Variants in VPS13C observed in about 807,000 individuals in gnomAD.
The protein encoded by VPS13C is intermembrane lipid transfer protein VPS13C.
Under a neutral mutation model 456.8 loss-of-function variants are expected in VPS13C, and 358 were observed. The observed-to-expected ratio is 0.78, with a 90% CI of 0.72 to 0.86. The LOEUF is 0.86. Ranked by LOEUF, VPS13C falls within the 40% of genes least tolerant of loss-of-function variation. The pLI, the probability that VPS13C is intolerant of heterozygous loss-of-function variation, is 0.00. For missense variants in VPS13C, 4,818 were observed against 4,385.4 expected (o/e 1.10, Z -2.79); for synonymous variants, 1,578 against 1,486.7 (o/e 1.06, Z -1.41).
chr15:61,969,383 C>T lies in VPS13C; in HGVS notation c.2827G>A (p.Gly943Arg). ...AATGTTCTCATTGTGGCCTCTGTTCCTAACTGAGTAACATTAAATACTAGA... is the reference window on the plus strand; with the variant it reads ...AATGTTCTCATTGTGGCCTCTGTTCTTAACTGAGTAACATTAAATACTAGA... ...TILVFNVTQL[G>R]TEATMRTFDL... The change falls in exon 28 of 85, where the codon GGA becomes AGA. Residue 943 changes from glycine to arginine, a missense_variant. By Grantham distance (125) the Gly-to-Arg change is moderately radical (BLOSUM62 -2). Around this residue, in one of 3 missense-constraint regions of VPS13C, gnomAD observed 4,552 missense variants for 4,130.6 expected, o/e 1.10. Transcript: ENST00000644861. The T allele has an allele frequency of 6.3e-7, 1 of 1,597,290 alleles. No individual in the cohort carries two copies. The highest frequency in any genetic ancestry group is 8.5e-7 in the Non-Finnish European group (1 of 1,171,842).
chr15:62,006,351 G>A (rs537567996), intron 15 of VPS13C, among the ~76,000 whole-genome samples: 10 of 152,042 alleles, frequency 6.6e-5, no homozygotes, highest in East Asian at 1.9e-4. Context: ...GAGAATATGC[G>A]GTGTTTGGTT....
At chr15:61,982,796 G>A (rs935744711) in intron 20 of VPS13C, among the ~76,000 whole-genome samples, 1 of 152,188 alleles carries the variant, frequency 6.6e-6, no homozygotes, top group African/African-American at 2.4e-5. Flanking sequence ...TATCATTAAG[G>A]TGTAAAGTAT....
At chr15:61,972,460 G>T (rs1954533223) in intron 27 of VPS13C, among the ~76,000 whole-genome samples, 165 bp downstream of exon 27, 1 of 152,050 alleles carries the variant, frequency 6.6e-6, no homozygotes, top group Non-Finnish European at 1.5e-5. Flanking sequence ...GTGTGTGTGA[G>T]AGAGAAAGAG....
chr15:61,865,932 G>A, intron 81 of VPS13C: 1 of 982,602 alleles, frequency 1.0e-6, no homozygotes, highest in Non-Finnish European at 1.2e-6. Context: ...AGGAACATGA[G>A]GATCAAAAGA....
intron 18 of VPS13C, 31 bp from the exon 19 acceptor site, chr15:61,985,030 A>G: frequency 7.4e-7 from 1 of 1,343,730 alleles, no homozygotes; most frequent in Non-Finnish European, 9.7e-7. Context: ...TAAAATTGTT[A>G]AAGTTTAAAT....
chr15:61,912,042 A>G, intron 62 of VPS13C, 38 bp from the exon 63 acceptor site: 8 of 1,521,634 alleles, frequency 5.3e-6, no homozygotes, highest in South Asian at 1.4e-5. Flanking sequence ...CAGTTTATTC[A>G]ATGTCTTTGA....
chr15:61,899,847 G>C (rs571787927), intron 66 of VPS13C, among the ~76,000 whole-genome samples: 5 of 151,318 alleles, frequency 3.3e-5, no homozygotes, highest in African/African-American at 1.2e-4. Context: ...GATGAACATC[G>C]ATGCAAAAAT....
At chr15:61,944,934 G>A (rs563590707) in intron 45 of VPS13C, among the ~76,000 whole-genome samples, 9 of 152,152 alleles carry the variant, frequency 5.9e-5, no homozygotes, top group South Asian at 2.1e-4. Context: ...CTGGCTCTGC[G>A]TCCCCACCCA....
intron 66 of VPS13C, among the ~76,000 whole-genome samples, chr15:61,890,712 G>A (rs1407760629): frequency 6.6e-6 from 1 of 152,110 alleles, no homozygotes; most frequent in African/African-American, 2.4e-5. Context: ...ATGATTCTTT[G>A]TCTCCAAGCC....
chr15:61,962,116 T>G (rs1229143381), intron 34 of VPS13C, among the ~76,000 whole-genome samples: 1 of 152,076 alleles, frequency 6.6e-6, no homozygotes, highest in Non-Finnish European at 1.5e-5. Context: ...AGAGAAAAAT[T>G]TTTTTCCAAT....
rs1327646796 is a variant in VPS13C, at chr15:61,867,584, C to A, written c.10863+1075G>T. ...TAATTGTCCTGTTTTTCAATTTTAC[C>A]TGAAATGCACATGAACACCATAAGA... On this transcript the variant is annotated intron_variant, in intron 81 of 84. Transcript: ENST00000644861. This position sits in a 1 kb window ranked among gnomAD's most constrained non-coding sequence, Gnocchi z 5.0. 22 of 1,029,738 alleles carry A rather than the reference C, an allele frequency of 2.1e-5. No individual in the cohort carries two copies. Among genetic ancestry groups the A allele is most frequent in the Non-Finnish European group, 2.6e-5 (22 of 860,010 alleles). 63.8% of individuals were successfully genotyped at this position (1,029,738 alleles called of 1,614,324 possible).
At chr15:61,988,705 A>G (rs966730940) in intron 18 of VPS13C, among the ~76,000 whole-genome samples, 5 of 152,236 alleles carry the variant, frequency 3.3e-5, no homozygotes, top group East Asian at 1.9e-4. Context: ...ACAAAGTTAC[A>G]GTAACTAAGA....
intron 43 of VPS13C, 67 bp downstream of exon 43, chr15:61,947,126 G>C (rs899082309): frequency 3.8e-5 from 40 of 1,061,494 alleles, no homozygotes; most frequent in Non-Finnish European, 5.3e-5. Context: ...AATCTAACAG[G>C]TACAAGCTCA....
At chr15:61,892,358 T>C (rs1190672713) in intron 66 of VPS13C, among the ~76,000 whole-genome samples, 1 of 152,148 alleles carries the variant, frequency 6.6e-6, no homozygotes, top group East Asian at 1.9e-4. Flanking sequence ...CCCTTTGAGA[T>C]GCAACCCCTT....
At chr15:61,906,243 G>A (rs146584692) in intron 66 of VPS13C, among the ~76,000 whole-genome samples, 1 of 152,238 alleles carries the variant, frequency 6.6e-6, no homozygotes, top group East Asian at 1.9e-4. Flanking sequence ...GGACATAAAC[G>A]ATTTCCTTGC....
chr15:61,919,556 T>A, intron 57 of VPS13C, 107 bp from the exon 58 acceptor site: 1 of 1,139,560 alleles, frequency 8.8e-7, no homozygotes, highest in Non-Finnish European at 1.2e-6. Flanking sequence ...TCCTCATCAC[T>A]AGAAATGATC....
At position 61,913,433 on chromosome 15, in the gene VPS13C, T is replaced by G. The variant is rs749319492; in HGVS notation, c.8446-18A>C. ...AATTGTACCTATACCAGAGAGCACATATCGTCATATAAGAAATCTAAAACA... is the reference window on the plus strand; with the variant it reads ...AATTGTACCTATACCAGAGAGCACAGATCGTCATATAAGAAATCTAAAACA... On this transcript the variant is annotated intron_variant, in intron 61 of 84. Transcript: ENST00000644861. The G allele has an allele frequency of 6.3e-7, 1 of 1,585,652 alleles. No individual in the cohort carries two copies. Among genetic ancestry groups the G allele is most frequent in the Admixed American group, 1.7e-5 (1 of 59,006 alleles).
chr15:61,940,868 A>C lies in VPS13C; in HGVS notation c.5454-74T>G, dbSNP rs905553447. 6.3e-6 allele frequency: 9 copies of C among 1,428,930 alleles called. No individual in the cohort carries two copies. The African/African-American group carries it at 1.3e-4, about 20-fold the overall frequency. The allele number at this position is 1,428,930 out of a possible 1,614,324, so 88.5% of individuals were successfully genotyped here. On this transcript the variant is annotated intron_variant, in intron 46 of 84. Transcript: ENST00000644861. ...AATGAGGACTATCCTATTGTGTAAC[A>C]GTTTCCACACAGCATTTCATAAAGG...
At position 61,869,623 on chromosome 15, in the gene VPS13C, C is replaced by T. The variant is rs760557633; in HGVS notation, c.10625G>A (p.Gly3542Asp). The change falls in exon 80 of 85, where the codon GGT (glycine) becomes GAT (aspartate). Residue 3542 changes from glycine (G) to aspartate (D), a missense_variant and splice_region_variant. Transcript: ENST00000644861. Reference sequence around the variant, plus strand: ...TCCAGCAGCTCCTTCCTTTTTGGCACCTTCAGAAAACCAATGACCATGAAT... The same window carrying T: ...TCCAGCAGCTCCTTCCTTTTTGGCATCTTCAGAAAACCAATGACCATGAAT... ...VTGIITKPVE[G>D]AKKEGAAGFF... 8.7e-6 allele frequency: 14 copies of T among 1,613,842 alleles called. No homozygotes were observed. Among genetic ancestry groups the T allele is most frequent in the Non-Finnish European group, 1.2e-5 (14 of 1,179,964 alleles).
Sources: gnomAD v4.1 joint callset for allele counts (sites outside exome capture counted in the v4.1 genomes callset) on GRCh38, gnomAD v4.1.1 for gene constraint, gnomAD v4.1.1 regional missense constraint, Gnocchi (gnomAD v3.1) non-coding constraint, MANE v1.5 for transcripts, NCBI Gene and HGNC (gene_info 2026-07-23, HGNC 2026-07-21) for gene names.